Variants in ZNF853 observed in about 807,000 individuals in gnomAD.
ZNF853 encodes zinc finger protein 853.
ZNF853 carries 57 observed loss-of-function variants against 94.7 expected under a neutral mutation model. The observed-to-expected ratio is 0.60, with a 90% confidence interval of 0.49 to 0.75. The LOEUF is 0.75. ZNF853 is among the 30% of genes least tolerant of loss of function. ZNF853 has a pLI of 0.00. For synonymous variants in ZNF853, 448 were observed against 406.3 expected (o/e 1.10, Z -1.23); for missense variants, 785 against 868.9 (o/e 0.90, Z 1.21).
chr7:6,617,510 C>A, intron 2 of ZNF853: 2 of 861,810 alleles, frequency 2.3e-6, no homozygotes, highest in South Asian at 5.3e-5. Context: ...GCTCCCCGCT[C>A]CCCACATGGG....
chr7:6,616,226 C>A, intron 1 of ZNF853, 40 bp downstream of exon 1: 1 of 1,543,904 alleles, frequency 6.5e-7, no homozygotes, highest in Non-Finnish European at 8.8e-7. Context: ...CAACCGGGGA[C>A]GCGTCCCTTG....
In ZNF853 at chr7:6,616,183, C is replaced by A; in HGVS notation, c.9C>A (p.His3Gln). ML[H>Q]QPTPGNRGLT... ...CTGCCCGGGAGCAGGAAATGCTCCA[C>A]CAGGTGAGGCCCAGGGGGTCGTTGG... Residue 3 changes from histidine to glutamine, a missense_variant, in exon 1 of 3, where the codon CAC becomes CAA. Transcript: ENST00000457543. 6.5e-7 allele frequency: 1 copy of A among 1,548,040 alleles called. No individual in the cohort carries two copies. The highest frequency in any genetic ancestry group is 1.4e-5 in the African/African-American group (1 of 73,100).
chr7:6,623,005 AC>A lies in ZNF853; in HGVS notation c.*40del, dbSNP rs375641028. On this transcript the variant is annotated 3_prime_UTR_variant, in exon 3 of 3. Transcript: ENST00000457543. Reference sequence around the variant, plus strand: ...ATCGGGGCTGCCTGGCCGGGAGGGGACCCCCCACCCGCCTCCACCTGAAAAG... The same window carrying A: ...ATCGGGGCTGCCTGGCCGGGAGGGGACCCCCACCCGCCTCCACCTGAAAAG... 7 of 1,238,298 alleles carry A rather than the reference AC, an allele frequency of 5.7e-6. No individual in the cohort carries two copies. Among genetic ancestry groups the A allele is most frequent in the Admixed American group, 4.2e-5 (1 of 23,644 alleles). The allele number at this position is 1,238,298 out of a possible 1,614,324, so 76.7% of individuals were successfully genotyped here. A position where few individuals can be genotyped will look rare whatever the true frequency, so the allele number is the denominator to read the frequency against.
chr7:6,621,954 G>A lies in ZNF853; in HGVS notation c.963G>A (p.Glu321=), dbSNP rs888178592. The change falls in exon 3 of 3, where the codon GAG becomes GAA. Residue 321 remains glutamate, a synonymous_variant. Coordinates refer to ENST00000457543, the MANE Select transcript of ZNF853 (RefSeq NM_017560.3). The stretch of plus-strand genomic sequence containing the variant: ...AGCCCGAGGAGGAGGAAGAGGTGGA[G>A]CTGGAGCTCATGCCGGTGGACCTGG... The part of the protein sequence containing the change: ...PLEPEEEEEV[E]LELMPVDLGS... The A allele has an allele frequency of 1.3e-6, 2 of 1,550,934 alleles. No individual in the cohort carries two copies. The highest frequency in any genetic ancestry group is 1.4e-5 in the African/African-American group (1 of 73,054).
Position 6,623,309 on chromosome 7 carries a change from A to G in ZNF853, c.*338A>G, listed in dbSNP as rs951411040. The G allele has an allele frequency of 1.3e-5, 5 of 398,462 alleles. No homozygotes were observed. The highest frequency in any genetic ancestry group is 2.2e-5 in the Non-Finnish European group (5 of 226,070). 24.7% of individuals were successfully genotyped at this position (398,462 alleles called of 1,614,324 possible). ...ACGAGGAAAAACCCCCAGTGGCGAG[A>G]CGATTAATGACACTGGCCGAGGACT... is the stretch of plus-strand genomic sequence containing the variant. On this transcript the variant is annotated 3_prime_UTR_variant, in exon 3 of 3. Transcript: ENST00000457543.
Position 6,621,994 on chromosome 7 carries a change from C to T in ZNF853, c.1003C>T (p.Leu335=), listed in dbSNP as rs1399873497. The change falls in exon 3 of 3, where the codon CTG becomes TTG. Residue 335 remains leucine, a synonymous_variant. Transcript: ENST00000457543. Reference sequence around the variant, plus strand: ...GGTGGACCTGGGGTCAGAGCAGGAGCTGGAGCAGCAGCGGCAGGAGTTGGA... The same window carrying T: ...GGTGGACCTGGGGTCAGAGCAGGAGTTGGAGCAGCAGCGGCAGGAGTTGGA... ...MPVDLGSEQE[L]EQQRQELERQ... is the part of the protein sequence containing the mutation. 6.4e-7 allele frequency: 1 copy of T among 1,550,500 alleles called. No individual in the cohort carries two copies. Among genetic ancestry groups the T allele is most frequent in the Non-Finnish European group, 8.7e-7 (1 of 1,146,942 alleles).
Position 6,621,213 on chromosome 7 carries a change from G to A in ZNF853, c.222G>A (p.Gly74=). 1.3e-6 allele frequency: 2 copies of A among 1,538,444 alleles called. No individual in the cohort carries two copies. Among genetic ancestry groups the A allele is most frequent in the South Asian group, 1.2e-5 (1 of 81,580 alleles). The change falls in exon 3 of 3, where the codon GGG becomes GGA. Residue 74 remains glycine (G), a synonymous_variant. Transcript: ENST00000457543. Reference sequence around the variant, plus strand: ...GGCCAGCAGTCTCGGCCCCAGTGGGGGCCAGTGAAATCGCTGAGGAAACCC... The same window carrying A: ...GGCCAGCAGTCTCGGCCCCAGTGGGAGCCAGTGAAATCGCTGAGGAAACCC... ...PQRPAVSAPV[G]ASEIAEETRP... is the part of the protein sequence containing the mutation.
In ZNF853 at chr7:6,615,736, C is replaced by T. The variant is rs1183993506; in HGVS notation, c.-439C>T. On this transcript the variant is annotated 5_prime_UTR_variant, in exon 1 of 3. Transcript: ENST00000457543. This position sits in a 1 kb window ranked among gnomAD's most constrained non-coding sequence, Gnocchi z 8.5. The stretch of plus-strand genomic sequence containing the variant: ...GGCCCCCGCGCGGCCCGGCCCAGGC[C>T]GCCCGCAGGCTCCGGGCACCTGTAG... 1 of 144,254 alleles carries T rather than the reference C, an allele frequency of 6.9e-6. No individual in the cohort carries two copies. The highest frequency in any genetic ancestry group is 2.1e-4 in the East Asian group (1 of 4,818). The allele number at this position is 144,254 out of a possible 1,614,324, so 8.9% of individuals were successfully genotyped here. A position where few individuals can be genotyped will look rare whatever the true frequency, so the allele number is the denominator to read the frequency against.
In ZNF853 at chr7:6,621,291, G is replaced by T; in HGVS notation, c.300G>T (p.Pro100=). 1 of 1,550,884 alleles carries T rather than the reference G, an allele frequency of 6.4e-7. No homozygotes were observed. The highest frequency in any genetic ancestry group is 1.4e-5 in the African/African-American group (1 of 73,128). ...AGCAGTTAGAACAGCAGCCCGAGCC[G>T]CAGCAACAGCCGCAACACGAGCAGC... ...QLQQLEQQPE[P]QQQPQHEQLQ... is the part of the protein sequence containing the mutation. The change falls in exon 3 of 3, where the codon CCG becomes CCT. Residue 100 remains proline (P), a synonymous_variant. Transcript: ENST00000457543.
chr7:6,617,164 A>G lies in ZNF853; in HGVS notation c.13-26A>G. ...GGGGTCAAAGCACTCCAGCCTGGCT[A>G]AACTGCTTCCTTCCTTTCAGCACAG... On this transcript the variant is annotated intron_variant, in intron 1 of 2. Coordinates refer to ENST00000457543, the MANE Select transcript of ZNF853 (RefSeq NM_017560.3). The G allele has an allele frequency of 2.3e-4, 355 of 1,525,964 alleles. 5 individuals carry two copies. The East Asian group carries it at 8.8e-3, about 38-fold the overall frequency. 94.5% of individuals were successfully genotyped at this position (1,525,964 alleles called of 1,614,324 possible). A position where few individuals can be genotyped will look rare whatever the true frequency, so the allele number is the denominator to read the frequency against.
At position 6,622,108 on chromosome 7, in the gene ZNF853, GAGCAGCAGC is replaced by G. The variant is rs750286145; in HGVS notation, c.1127_1135del (p.Gln376_Gln378del). 5.8e-6 allele frequency: 9 copies of G among 1,544,366 alleles called. No individual in the cohort carries two copies. Among genetic ancestry groups the G allele is most frequent in the African/African-American group, 5.5e-5 (4 of 72,694 alleles). On this transcript the variant is annotated inframe_deletion, in exon 3 of 3. Coordinates refer to ENST00000457543, the MANE Select transcript of ZNF853 (RefSeq NM_017560.3). ...GCTGCAGCAGCTGGAGCAACAGCTG[GAGCAGCAGC>G]AGCAGCAGCTGGAGCAGCAGGAGGT...
At chr7:6,616,343 G>C in intron 1 of ZNF853, among the ~76,000 whole-genome samples, 157 bp downstream of exon 1, 2 of 152,198 alleles carry the variant, frequency 1.3e-5, no homozygotes, top group African/African-American at 4.8e-5. Flanking sequence ...GGGCCAGGCC[G>C]TGGGTGACAG....
Position 6,616,161 on chromosome 7 carries a change from C to T in ZNF853, c.-14C>T, listed in dbSNP as rs1782501563. On this transcript the variant is annotated 5_prime_UTR_variant, in exon 1 of 3. Coordinates refer to ENST00000457543, the MANE Select transcript of ZNF853 (RefSeq NM_017560.3). ...CCACACCTCCCTAGCGCAGAGGCTG[C>T]CCGGGAGCAGGAAATGCTCCACCAG... 1.3e-6 allele frequency: 2 copies of T among 1,547,268 alleles called. No individual in the cohort carries two copies. Among genetic ancestry groups the T allele is most frequent in the Admixed American group, 2.0e-5 (1 of 50,774 alleles).
At position 6,621,757 on chromosome 7, in the gene ZNF853, C is replaced by G. The variant is rs1044362849; in HGVS notation, c.766C>G (p.Gln256Glu). ...GGGACAGTTACAGCAGCAACTGTTG[C>G]AGCAGCAGCAGGCACAGTTACAACA... ...QQGQLQQQLL[Q>E]QQQAQLQQQL... is the part of the protein sequence containing the mutation. Residue 256 changes from glutamine (Q) to glutamate (E), a missense_variant, in exon 3 of 3, where the codon CAG becomes GAG. By Grantham distance (29) the Gln-to-Glu change is conservative (BLOSUM62 2). Coordinates refer to ENST00000457543, the MANE Select transcript of ZNF853 (RefSeq NM_017560.3). 6.4e-7 allele frequency: 1 copy of G among 1,550,474 alleles called. No individual in the cohort carries two copies. Among genetic ancestry groups the G allele is most frequent in the South Asian group, 1.2e-5 (1 of 83,932 alleles).
In ZNF853 at chr7:6,621,306, A is replaced by G. The variant is rs928437719; in HGVS notation, c.315A>G (p.Gln105=). ...EQQPEPQQQP[Q]HEQLQQPQPH... Reference sequence around the variant, plus strand: ...AGCCCGAGCCGCAGCAACAGCCGCAACACGAGCAGCTGCAACAGCCGCAGC... The same window carrying G: ...AGCCCGAGCCGCAGCAACAGCCGCAGCACGAGCAGCTGCAACAGCCGCAGC... The change falls in exon 3 of 3, where the codon CAA becomes CAG. Residue 105 remains glutamine, a synonymous_variant. Coordinates refer to ENST00000457543, the MANE Select transcript of ZNF853 (RefSeq NM_017560.3). The G allele has an allele frequency of 1.4e-5, 21 of 1,551,290 alleles. No individual in the cohort carries two copies. The highest frequency in any genetic ancestry group is 1.7e-5 in the Non-Finnish European group (20 of 1,146,742).
chr7:6,621,000 G>T, intron 2 of ZNF853, 122 bp from the exon 3 acceptor site: 6 of 1,254,498 alleles, frequency 4.8e-6, no homozygotes, highest in Non-Finnish European at 6.3e-6. Context: ...AGCACTTTCG[G>T]GCTCCTGCTA....
At chr7:6,620,141 G>A in intron 2 of ZNF853, among the ~76,000 whole-genome samples, 2 of 152,318 alleles carry the variant, frequency 1.3e-5, no homozygotes, top group East Asian at 3.9e-4. Context: ...CCTGCAGGAG[G>A]TTGTATACCT....
Position 6,622,977 on chromosome 7 carries a change from G to A in ZNF853, c.*6G>A, listed in dbSNP as rs1204087797. On this transcript the variant is annotated 3_prime_UTR_variant, in exon 3 of 3. Coordinates refer to ENST00000457543, the MANE Select transcript of ZNF853 (RefSeq NM_017560.3). ...CCGCAGACAAGGCGCTGTGAGGGCC[G>A]TGATCGGGGCTGCCTGGCCGGGAGG... 9.6e-6 allele frequency: 12 copies of A among 1,247,702 alleles called. No individual in the cohort carries two copies. In the Admixed American group the frequency reaches 2.9e-4, roughly 31 times the overall value. The allele number at this position is 1,247,702 out of a possible 1,614,324, so 77.3% of individuals were successfully genotyped here. A position where few individuals can be genotyped will look rare whatever the true frequency, so the allele number is the denominator to read the frequency against.
chr7:6,616,737 GAA>G, intron 1 of ZNF853, among the ~76,000 whole-genome samples: 4 of 127,976 alleles, frequency 3.1e-5, no homozygotes, highest in African/African-American at 2.9e-5. Context: ...TCCGTATCAA[GAA>G]AAAAAAAAAA....
Sources: allele counts gnomAD v4.1 joint callset (sites outside exome capture counted in the v4.1 genomes callset), GRCh38; gene constraint gnomAD v4.1.1; non-coding constraint Gnocchi (gnomAD v3.1); transcripts MANE v1.5; gene names NCBI Gene and HGNC (gene_info 2026-07-23, HGNC 2026-07-21).